Variants in EYA4 observed in about 807,000 individuals in gnomAD.
EYA4 encodes EYA transcriptional coactivator and phosphatase 4.
Under a neutral mutation model 87.9 loss-of-function variants are expected in EYA4, and 31 were observed. That is an observed-to-expected ratio of 0.35 (90% CI 0.27 to 0.48). The LOEUF is 0.48. Ranked by LOEUF, EYA4 falls within the 20% of genes least tolerant of loss-of-function variation. The pLI, the probability that EYA4 is intolerant of heterozygous loss-of-function variation, is 0.99. For missense variants in EYA4, 678 were observed against 761.4 expected (o/e 0.89, Z 1.29); for synonymous variants, 263 against 270.6 (o/e 0.97, Z 0.28).
chr6:133,331,027 GTTTTTTTTT>G (rs71636692), intron 2 of EYA4, among the ~76,000 whole-genome samples: 4 of 113,700 alleles, frequency 3.5e-5, no homozygotes, highest in African/African-American at 1.1e-4. Flanking sequence ...AACCAAACGG[GTTTTTTTTT>G]TTTTTTTTTT....
intron 6 of EYA4, among the ~76,000 whole-genome samples, chr6:133,458,628 C>G (rs1390090698): frequency 6.6e-6 from 1 of 152,050 alleles, no homozygotes; most frequent in Non-Finnish European, 1.5e-5. Flanking sequence ...CAGCACTCCC[C>G]CAGATGCTTC....
At position 133,337,996 on chromosome 6, in the gene EYA4, C is replaced by T. The variant is rs1782504313; in HGVS notation, c.34-44396C>T. 3.3e-5 allele frequency among the ~76,000 whole-genome samples: 5 copies of T among 152,040 alleles called. No individual in the cohort carries two copies. The South Asian group carries it at 1.0e-3, about 32-fold the overall frequency. Reference sequence around the variant, plus strand: ...TGTAGTTAGCCAAGGACCAGAAACTCTGTTTTCGGCCAGATGCATAGGGTG... The same window carrying T: ...TGTAGTTAGCCAAGGACCAGAAACTTTGTTTTCGGCCAGATGCATAGGGTG... On this transcript the variant is annotated intron_variant, in intron 2 of 19. Transcript: ENST00000355286.
At chr6:133,258,466 T>C (rs1201860551) in intron 1 of EYA4, among the ~76,000 whole-genome samples, 1 of 152,198 alleles carries the variant, frequency 6.6e-6, no homozygotes, top group Non-Finnish European at 1.5e-5. Context: ...TGCGGAGTTA[T>C]ATTTTTTGAT....
At chr6:133,502,892 C>A (rs1798258856) in intron 13 of EYA4, among the ~76,000 whole-genome samples, 1 of 152,156 alleles carries the variant, frequency 6.6e-6, no homozygotes. Context: ...TAAAATACAG[C>A]TAGTTCACAC....
intron 7 of EYA4, 139 bp downstream of exon 7, chr6:133,461,319 T>C: frequency 1.4e-6 from 1 of 702,644 alleles, no homozygotes; most frequent in Non-Finnish European, 2.6e-6. Context: ...GACACCCACA[T>C]GTATCTTGAT....
chr6:133,398,689 G>A (rs535643690), intron 3 of EYA4, among the ~76,000 whole-genome samples: 31 of 152,282 alleles, frequency 2.0e-4, no homozygotes, highest in Non-Finnish European at 2.9e-4. Flanking sequence ...AAGACTCTAA[G>A]TAGAGCCCAG....
intron 5 of EYA4, among the ~76,000 whole-genome samples, chr6:133,451,346 A>G (rs1363024344): frequency 6.6e-6 from 1 of 152,196 alleles, no homozygotes; most frequent in Non-Finnish European, 1.5e-5. Context: ...CCTGATATAG[A>G]TCTATATGTG....
intron 9 of EYA4, among the ~76,000 whole-genome samples, chr6:133,463,716 T>G (rs1794613731): frequency 6.6e-6 from 1 of 152,178 alleles, no homozygotes; most frequent in Non-Finnish European, 1.5e-5. Flanking sequence ...TAGTAAAAAC[T>G]TTAAAAGCTG....
At chr6:133,313,182 T>A (rs1780364854) in intron 2 of EYA4, among the ~76,000 whole-genome samples, 1 of 152,202 alleles carries the variant, frequency 6.6e-6, no homozygotes, top group African/African-American at 2.4e-5. Context: ...CTTGCTTTGT[T>A]AACTTTTTGG....
intron 13 of EYA4, among the ~76,000 whole-genome samples, chr6:133,503,389 T>TA (rs1392080525): frequency 2.6e-5 from 4 of 152,198 alleles, no homozygotes; most frequent in Non-Finnish European, 4.4e-5. Context: ...TGGCAAATCA[T>TA]AGGATAAGAG....
chr6:133,499,813 A>C (rs1490800889), intron 13 of EYA4, among the ~76,000 whole-genome samples: 1 of 151,986 alleles, frequency 6.6e-6, no homozygotes, highest in African/African-American at 2.4e-5. Context: ...CTAGTTCCCG[A>C]GAAATTATAC....
chr6:133,311,035 T>C (rs760960311), intron 2 of EYA4, among the ~76,000 whole-genome samples: 1 of 152,190 alleles, frequency 6.6e-6, no homozygotes, highest in Non-Finnish European at 1.5e-5. Context: ...CTCTCTAGTA[T>C]TTCAAGCCTA....
At chr6:133,265,156 G>A (rs1177157054) in intron 1 of EYA4, among the ~76,000 whole-genome samples, 3 of 152,110 alleles carry the variant, frequency 2.0e-5, no homozygotes, top group Admixed American at 2.0e-4. Flanking sequence ...AGAGTTTGTA[G>A]CTCGCTTCTA....
At chr6:133,513,180 G>A in intron 16 of EYA4, 142 bp downstream of exon 16, 2 of 803,002 alleles carry the variant, frequency 2.5e-6, no homozygotes, top group Non-Finnish European at 2.0e-6. Context: ...AAGTTTCTTA[G>A]AATTGGTGGG....
intron 2 of EYA4, among the ~76,000 whole-genome samples, chr6:133,356,306 G>C (rs1245821746): frequency 3.9e-5 from 6 of 152,104 alleles, no homozygotes. Flanking sequence ...CAACATTAAA[G>C]TCAAGAGTTA....
intron 3 of EYA4, among the ~76,000 whole-genome samples, chr6:133,427,121 G>A (rs1038335798): frequency 6.6e-6 from 1 of 152,128 alleles, no homozygotes; most frequent in Non-Finnish European, 1.5e-5. Context: ...ACAGTTGCAT[G>A]GTGCTGGTTC....
chr6:133,531,286 C>T lies in EYA4; in HGVS notation c.*2481C>T, dbSNP rs146768600. On this transcript the variant is annotated 3_prime_UTR_variant, in exon 20 of 20. Coordinates refer to ENST00000355286, the MANE Select transcript of EYA4 (RefSeq NM_004100.5). ...CTGGCACAACAATGGTGCAGGCCCACGAGCCAGCATCACAGCTTGGCCATG... is the reference window on the plus strand; with the variant it reads ...CTGGCACAACAATGGTGCAGGCCCATGAGCCAGCATCACAGCTTGGCCATG... 1,476 of 1,304,112 alleles carry T rather than the reference C, an allele frequency of 1.1e-3. 19 individuals are homozygous for T. Among genetic ancestry groups the T allele is most frequent in the East Asian group, 4.3e-4 (17 of 39,758 alleles). 80.8% of individuals were successfully genotyped at this position (1,304,112 alleles called of 1,614,324 possible).
At chr6:133,331,652 C>T (rs1336726674) in intron 2 of EYA4, among the ~76,000 whole-genome samples, 1 of 152,186 alleles carries the variant, frequency 6.6e-6, no homozygotes, top group Non-Finnish European at 1.5e-5. Flanking sequence ...CATGCTGAGT[C>T]CTCACAATGT....
intron 11 of EYA4, among the ~76,000 whole-genome samples, chr6:133,480,235 T>C (rs955046180): frequency 6.6e-6 from 1 of 152,174 alleles, no homozygotes; most frequent in Non-Finnish European, 1.5e-5. Flanking sequence ...GAGTGCAAGG[T>C]ATCAGCTGTC....
Sources: allele counts gnomAD v4.1 joint callset (sites outside exome capture counted in the v4.1 genomes callset), GRCh38; gene constraint gnomAD v4.1.1; transcripts MANE v1.5; gene names NCBI Gene and HGNC (gene_info 2026-07-23, HGNC 2026-07-21).